SLC8A3: variants seen among roughly 807,000 people sequenced by gnomAD.
SLC8A3 encodes the protein solute carrier family 8 member A3.
Under a neutral mutation model 65.4 loss-of-function variants are expected in SLC8A3, and 37 were observed. The observed-to-expected ratio is 0.57, with a 90% CI of 0.44 to 0.74. The LOEUF (loss-of-function observed/expected upper bound fraction) is 0.74. Ranked by LOEUF, SLC8A3 falls within the 30% of genes least tolerant of loss-of-function variation. SLC8A3 has a pLI of 0.00. For missense variants in SLC8A3, 1,112 were observed against 1,172.1 expected, an observed-to-expected ratio of 0.95 and a Z score of 0.75; for synonymous variants, 461 against 444.5, an observed-to-expected ratio of 1.04 and a Z score of -0.47.
At chr14:70,183,778 T>A (rs1295941959) in intron 1 of SLC8A3, among the ~76,000 whole-genome samples, 1 of 152,200 alleles carries the variant, frequency 6.6e-6, no homozygotes, top group East Asian at 1.9e-4. Context: ...AGTCTGCCTG[T>A]TTTCATGGTC....
intron 5 of SLC8A3, among the ~76,000 whole-genome samples, chr14:70,050,746 G>A (rs925816703): frequency 1.3e-5 from 2 of 152,162 alleles, no homozygotes; most frequent in African/African-American, 2.4e-5. Context: ...GGTAGCAATA[G>A]TTCCCCTTTG....
At chr14:70,094,157 C>A (rs1407613402) in intron 2 of SLC8A3, among the ~76,000 whole-genome samples, 1 of 152,234 alleles carries the variant, frequency 6.6e-6, no homozygotes, top group Non-Finnish European at 1.5e-5. Flanking sequence ...TCTCTGACAG[C>A]CAGTCCATGG....
intron 2 of SLC8A3, among the ~76,000 whole-genome samples, chr14:70,103,120 A>G (rs2140113579): frequency 6.6e-6 from 1 of 152,240 alleles, no homozygotes; most frequent in South Asian, 2.1e-4. Context: ...TTTTCCTCAT[A>G]AACAACAGAA....
chr14:70,071,620 G>A (rs1207303475), intron 2 of SLC8A3, among the ~76,000 whole-genome samples: 2 of 152,164 alleles, frequency 1.3e-5, no homozygotes, highest in African/African-American at 4.8e-5. Flanking sequence ...TGTCCTCAGA[G>A]CCTCCAGATA....
At chr14:70,163,953 C>T (rs771878481) in intron 2 of SLC8A3, among the ~76,000 whole-genome samples, 1 of 152,136 alleles carries the variant, frequency 6.6e-6, no homozygotes, top group Non-Finnish European at 1.5e-5. Flanking sequence ...GGTAAGTACT[C>T]TTCATAGTAA....
chr14:70,104,668 G>A (rs1184330493), intron 2 of SLC8A3, among the ~76,000 whole-genome samples: 2 of 152,210 alleles, frequency 1.3e-5, no homozygotes, highest in South Asian at 2.1e-4. Context: ...GAAAGTCTTC[G>A]AATATTTGGA....
At chr14:70,067,421 A>G (rs996274929) in intron 2 of SLC8A3, among the ~76,000 whole-genome samples, 1 of 152,140 alleles carries the variant, frequency 6.6e-6, no homozygotes, top group Non-Finnish European at 1.5e-5. Flanking sequence ...GCAGTCTCCA[A>G]TTCAAGGACT....
chr14:70,067,518 G>T (rs1383329362), intron 2 of SLC8A3, among the ~76,000 whole-genome samples: 1 of 152,220 alleles, frequency 6.6e-6, no homozygotes, highest in Non-Finnish European at 1.5e-5. Flanking sequence ...CCAGCACAGT[G>T]CCTGGCATAC....
At chr14:70,182,464 G>C (rs1010092356) in intron 1 of SLC8A3, among the ~76,000 whole-genome samples, 1 of 152,158 alleles carries the variant, frequency 6.6e-6, no homozygotes, top group African/African-American at 2.4e-5. Flanking sequence ...GGGCCATGTA[G>C]AGGTAGTGAG....
chr14:70,180,117 A>G (rs1255208627), intron 1 of SLC8A3, among the ~76,000 whole-genome samples: 2 of 152,210 alleles, frequency 1.3e-5, no homozygotes, highest in Non-Finnish European at 2.9e-5. Context: ...CCTGGGCTCT[A>G]TCTTCTGAGG....
intron 2 of SLC8A3, among the ~76,000 whole-genome samples, chr14:70,121,876 A>G (rs1321487372): frequency 1.3e-5 from 2 of 151,898 alleles, no homozygotes; most frequent in Non-Finnish European, 2.9e-5. Context: ...AGCTCCTTTG[A>G]TTCCTGCAGG....
chr14:70,110,271 A>C (rs80245971), intron 2 of SLC8A3, among the ~76,000 whole-genome samples: 8,807 of 152,052 alleles, frequency 0.058, 495 homozygotes, highest in African/African-American at 0.14. Context: ...TGTGCTATCA[A>C]ATAGTAGGCC....
At position 70,058,253 on chromosome 14, in the gene SLC8A3, T is replaced by C. The variant is rs1026922713; in HGVS notation, c.1888+2583A>G. On this transcript the variant is annotated intron_variant, in intron 3 of 6. Coordinates refer to ENST00000356921, the MANE Select transcript of SLC8A3 (RefSeq NM_182932.3). ...AGTGATAATGAAAAGCAATTTCCAC[T>C]GTTCTGTTTCTCACTCTGAGAACAG... 3.3e-5 allele frequency among the ~76,000 whole-genome samples: 5 copies of C among 152,330 alleles called. No individual in the cohort carries two copies. In the South Asian group the frequency reaches 6.2e-4, roughly 19 times the overall value.
intron 2 of SLC8A3, among the ~76,000 whole-genome samples, chr14:70,149,900 G>T (rs1273480218): frequency 2.0e-5 from 3 of 152,182 alleles, no homozygotes; most frequent in Admixed American, 6.5e-5. Context: ...TCCTGGGGCT[G>T]CTCTGTCTTT....
chr14:70,081,597 G>A (rs915755297), intron 2 of SLC8A3, among the ~76,000 whole-genome samples: 1 of 152,186 alleles, frequency 6.6e-6, no homozygotes, highest in Non-Finnish European at 1.5e-5. Flanking sequence ...TCCAGGTGAG[G>A]CCACAGCCAT....
At chr14:70,101,948 G>A (rs554092165) in intron 2 of SLC8A3, among the ~76,000 whole-genome samples, 11 of 152,254 alleles carry the variant, frequency 7.2e-5, no homozygotes, top group African/African-American at 2.6e-4. Flanking sequence ...ACAAGATAGG[G>A]TCCCTAGAAA....
intron 2 of SLC8A3, among the ~76,000 whole-genome samples, chr14:70,128,798 C>T (rs531997627): frequency 6.0e-4 from 92 of 152,276 alleles, no homozygotes; most frequent in Non-Finnish European, 1.0e-3. Context: ...TTAGCTCTTA[C>T]CTTCTGCCTT....
At position 70,045,820 on chromosome 14, in the gene SLC8A3, T is replaced by C. The variant is rs1215132353; in HGVS notation, c.*127A>G. The C allele has an allele frequency of 2.1e-6, 2 of 944,862 alleles. No individual in the cohort carries two copies. Among genetic ancestry groups the C allele is most frequent in the Non-Finnish European group, 3.1e-6 (2 of 653,330 alleles). The allele number at this position is 944,862 out of a possible 1,614,324, so 58.5% of individuals were successfully genotyped here. On this transcript the variant is annotated 3_prime_UTR_variant, in exon 7 of 7. Transcript: ENST00000356921. Reference sequence around the variant, plus strand: ...TTGCCAGGGCCTAAGTTGGGTGAAGTTCCTGGGGCTTAGGTCCTGATGCTG... The same window carrying C: ...TTGCCAGGGCCTAAGTTGGGTGAAGCTCCTGGGGCTTAGGTCCTGATGCTG...
chr14:70,082,080 G>A (rs1357086219), intron 2 of SLC8A3, among the ~76,000 whole-genome samples: 2 of 152,168 alleles, frequency 1.3e-5, no homozygotes, highest in African/African-American at 2.4e-5. Flanking sequence ...GGAATCTGAA[G>A]CTATTAGAAG....
Sources: gnomAD v4.1 joint callset for allele counts (sites outside exome capture counted in the v4.1 genomes callset) on GRCh38, gnomAD v4.1.1 for gene constraint, MANE v1.5 for transcripts, NCBI Gene and HGNC (gene_info 2026-07-23, HGNC 2026-07-21) for gene names.